The following GKAP1 variants were observed in gnomAD, a reference collection of about 807,000 sequenced individuals.
GKAP1 encodes G kinase anchoring protein 1.
A neutral mutation model predicts 56.7 loss-of-function variants in GKAP1; 31 were observed. That is an observed-to-expected ratio of 0.55 (90% CI 0.41 to 0.74). The LOEUF (loss-of-function observed/expected upper bound fraction) is 0.74. GKAP1 is among the 30% of genes least tolerant of loss of function. The pLI, the probability that GKAP1 is intolerant of heterozygous loss-of-function variation, is 0.00. For synonymous variants in GKAP1, 151 were observed against 138.6 expected, an observed-to-expected ratio of 1.09 and a Z score of -0.63; for missense variants, 364 against 402.3, an observed-to-expected ratio of 0.90 and a Z score of 0.82.
At position 83,742,535 on chromosome 9, in the gene GKAP1, T is replaced by C. The variant is rs775706002; in HGVS notation, c.970A>G (p.Ile324Val). Residue 324 changes from isoleucine to valine, a missense_variant, in exon 11 of 13, where the codon ATT becomes GTT. Transcript: ENST00000376371. ...TATGCTCCACAGTTCCTTACCTGAA[T>C]AGTGAGCTCATTCTTGATACTTTGT... ...ESQSIKNELTIQVTSLHAALE... is the reference protein window; with the variant it reads ...ESQSIKNELTVQVTSLHAALE... The C allele has an allele frequency of 7.5e-6, 12 of 1,608,054 alleles. No homozygotes were observed. Among genetic ancestry groups the C allele is most frequent in the South Asian group, 1.1e-5 (1 of 90,886 alleles).
rs1943778952 is a variant in GKAP1, at chr9:83,772,458, C to T, written c.586-3488G>A. Among the ~76,000 whole-genome samples, 3 of 151,980 alleles carry T rather than the reference C, an allele frequency of 2.0e-5. 1 individual carries two copies. In the South Asian group the frequency reaches 6.2e-4, roughly 32 times the overall value. ...TAAAGGAAGAACTAAAACTATAAAG[C>T]CTCTAGAATAAATCATCATGACTTG... On this transcript the variant is annotated intron_variant, in intron 7 of 12. Transcript: ENST00000376371.
intron 5 of GKAP1, among the ~76,000 whole-genome samples, chr9:83,786,043 A>G (rs1944058041): frequency 6.6e-6 from 1 of 152,136 alleles, no homozygotes; most frequent in South Asian, 2.1e-4. Flanking sequence ...AACTTCTAAC[A>G]CATGTAATAA....
chr9:83,795,142 G>A (rs1341821464), intron 4 of GKAP1, among the ~76,000 whole-genome samples: 3 of 129,118 alleles, frequency 2.3e-5, no homozygotes, highest in Non-Finnish European at 1.5e-5. Context: ...GGCGACAAGA[G>A]CGAGACTCCA....
At chr9:83,775,560 G>GA (rs201591525) in intron 7 of GKAP1, among the ~76,000 whole-genome samples, 2 of 151,358 alleles carry the variant, frequency 1.3e-5, no homozygotes, top group Non-Finnish European at 2.9e-5. Context: ...TGTTAAAAAG[G>GA]AAAAAAAAAT....
At chr9:83,786,415 C>T (rs944394908) in intron 5 of GKAP1, among the ~76,000 whole-genome samples, 7 of 152,036 alleles carry the variant, frequency 4.6e-5, no homozygotes, top group African/African-American at 1.4e-4. Context: ...GTGGCACATG[C>T]CTGTAATCCC....
chr9:83,791,239 A>G (rs1944153186), intron 4 of GKAP1, among the ~76,000 whole-genome samples: 1 of 152,036 alleles, frequency 6.6e-6, no homozygotes, highest in Admixed American at 6.5e-5. Flanking sequence ...CGTCTCTACT[A>G]AAAATACAAA....
intron 2 of GKAP1, among the ~76,000 whole-genome samples, chr9:83,812,312 T>C (rs556959366): frequency 1.1e-3 from 167 of 146,750 alleles, no homozygotes; most frequent in African/African-American, 3.9e-3. Context: ...CGTATACATA[T>C]ATATGTATAT....
intron 4 of GKAP1, among the ~76,000 whole-genome samples, chr9:83,796,159 T>A (rs1213806438): frequency 6.6e-6 from 1 of 152,046 alleles, no homozygotes; most frequent in Non-Finnish European, 1.5e-5. Context: ...CTCAAACTCC[T>A]GGCCTCAAGC....
rs779809540 is a variant in GKAP1, at chr9:83,806,370, T to C, written c.148A>G (p.Thr50Ala). The C allele has an allele frequency of 2.0e-5, 32 of 1,578,152 alleles. No individual in the cohort carries two copies. In the African/African-American group the frequency reaches 3.8e-4, roughly 19 times the overall value. ...TTCTCTCTTTTTTTCTCATTTGTAG[T>C]TGACTTGCTTCCTAAAGTTTGAGAC... ...GKSQTLGSKS[T>A]TNEKKREKRR... Residue 50 changes from threonine to alanine, a missense_variant, in exon 3 of 13, where the codon ACT becomes GCT. By Grantham distance (58) the Thr-to-Ala change is moderately conservative (BLOSUM62 0). Coordinates refer to ENST00000376371, the MANE Select transcript of GKAP1 (RefSeq NM_025211.4).
chr9:83,790,056 T>C (rs1944128722), intron 4 of GKAP1, among the ~76,000 whole-genome samples: 1 of 152,166 alleles, frequency 6.6e-6, no homozygotes, highest in South Asian at 2.1e-4. Context: ...TAGAAAAATC[T>C]TAATAGACAC....
intron 7 of GKAP1, among the ~76,000 whole-genome samples, chr9:83,770,222 A>G (rs951838189): frequency 2.0e-5 from 3 of 152,312 alleles, no homozygotes; most frequent in South Asian, 2.1e-4. Flanking sequence ...AATTTTATCC[A>G]AGAAACCATT....
intron 4 of GKAP1, among the ~76,000 whole-genome samples, chr9:83,797,653 T>G (rs558108510): frequency 6.6e-6 from 1 of 152,342 alleles, no homozygotes; most frequent in South Asian, 2.1e-4. Context: ...CATCCTTATA[T>G]AGGATCAGGG....
At chr9:83,792,491 T>C (rs540337869) in intron 4 of GKAP1, among the ~76,000 whole-genome samples, 144 of 152,272 alleles carry the variant, frequency 9.5e-4, no homozygotes, top group African/African-American at 3.4e-3. Context: ...GACCAAAATG[T>C]AGCAGCGCAG....
Position 83,741,972 on chromosome 9 carries a change from C to A in GKAP1, c.1033G>T (p.Ala345Ser), listed in dbSNP as rs1449239440. The part of the protein sequence containing the change: ...QERSKVKVLQ[A>S]ELAKYQGGRK... ...CATACCTGGTATTTGGCTAACTCTG[C>A]TTGTAATACTTTCACTTTAGATCTT... The change falls in exon 12 of 13, where the codon GCA (alanine) becomes TCA (serine). Residue 345 changes from alanine (A) to serine (S), a missense_variant. Ala to Ser is a moderately conservative substitution (Grantham distance 99, BLOSUM62 1). Transcript: ENST00000376371. 3 of 1,592,018 alleles carry A rather than the reference C, an allele frequency of 1.9e-6. No individual in the cohort carries two copies. Among genetic ancestry groups the A allele is most frequent in the African/African-American group, 2.7e-5 (2 of 73,672 alleles).
intron 2 of GKAP1, among the ~76,000 whole-genome samples, chr9:83,814,970 G>A (rs1176762164): frequency 4.6e-5 from 7 of 151,900 alleles, no homozygotes; most frequent in East Asian, 1.9e-4. Flanking sequence ...TCAAGAGATC[G>A]AGACCATCCT....
At chr9:83,813,006 A>C in intron 2 of GKAP1, among the ~76,000 whole-genome samples, 1 of 152,218 alleles carries the variant, frequency 6.6e-6, no homozygotes, top group Non-Finnish European at 1.5e-5. Flanking sequence ...AAGAAGAAAC[A>C]AATAGGGAGA....
In GKAP1 at chr9:83,814,793, A is replaced by C. The variant is rs527349303; in HGVS notation, c.-44+2203T>G. Among the ~76,000 whole-genome samples the C allele has an allele frequency of 2.2e-4, 33 of 152,404 alleles. No individual in the cohort carries two copies. The South Asian group carries it at 6.4e-3, about 30-fold the overall frequency. ...GTGCATGAGCAATTATTAGCAGTTC[A>C]AAGTTGTTTCATTACGGTAAGTACT... On this transcript the variant is annotated intron_variant, in intron 2 of 12. Transcript: ENST00000376371.
chr9:83,784,727 A>G lies in GKAP1; in HGVS notation c.550T>C (p.Phe184Leu). ...DRPLTVSLKD[F>L]HSEDHISKKT... ...GTATATACATTACCTTCCGAATGAA[A>G]ATCTTTTAGTGATACTGTGAGAGGT... Residue 184 changes from phenylalanine (F) to leucine (L), a missense_variant, in exon 6 of 13, where the codon TTT becomes CTT. Phe to Leu is a conservative substitution (Grantham distance 22). Transcript: ENST00000376371. 6.3e-7 allele frequency: 1 copy of G among 1,589,712 alleles called. No homozygotes were observed. The highest frequency in any genetic ancestry group is 8.6e-7 in the Non-Finnish European group (1 of 1,168,558).
chr9:83,804,066 C>A (rs1304344440), intron 3 of GKAP1, among the ~76,000 whole-genome samples: 4 of 151,492 alleles, frequency 2.6e-5, no homozygotes, highest in East Asian at 2.0e-4. Flanking sequence ...GCAGCCACCC[C>A]GTCTGGGAAG....
Sources: gnomAD v4.1 joint callset for allele counts (sites outside exome capture counted in the v4.1 genomes callset) on GRCh38, gnomAD v4.1.1 for gene constraint, MANE v1.5 for transcripts, NCBI Gene and HGNC (gene_info 2026-07-23, HGNC 2026-07-21) for gene names.